Variants in PABPC4L observed in about 807,000 individuals in gnomAD.
The protein encoded by PABPC4L is polyadenylate-binding protein 4-like.
For synonymous variants in PABPC4L, 169 were observed against 164.1 expected (o/e 1.03, Z -0.23); for missense variants, 452 against 451.4 (o/e 1.00, Z -0.01).
chr4:133,959,677 G>A, the PABPC4L span, among the ~76,000 whole-genome samples: 5 of 152,152 alleles, frequency 3.3e-5, no homozygotes, highest in Admixed American at 1.3e-4. Context: ...TGGAAGATGT[G>A]AAAAACACAC....
At chr4:134,097,144 T>G in the PABPC4L span, among the ~76,000 whole-genome samples, 3 of 152,056 alleles carry the variant, frequency 2.0e-5, no homozygotes, top group African/African-American at 4.8e-5. Flanking sequence ...GGAAAAAATA[T>G]ACACCTTGGC....
the PABPC4L span, among the ~76,000 whole-genome samples, chr4:134,181,806 G>A: frequency 6.6e-6 from 1 of 151,622 alleles, no homozygotes; most frequent in Non-Finnish European, 1.5e-5. Flanking sequence ...TAGGAATACA[G>A]CTAACCGGCA....
the PABPC4L span, among the ~76,000 whole-genome samples, chr4:134,051,783 G>C: frequency 6.6e-6 from 1 of 152,120 alleles, no homozygotes; most frequent in African/African-American, 2.4e-5. Context: ...ACATTTTAAT[G>C]TGAAGTTACA....
the PABPC4L span, among the ~76,000 whole-genome samples, chr4:134,077,956 CA>C: frequency 6.6e-6 from 1 of 151,658 alleles, no homozygotes; most frequent in East Asian, 1.9e-4. Flanking sequence ...CCAACCACCC[CA>C]CAAAAAAACA....
chr4:134,010,746 C>T, the PABPC4L span: 1 of 152,138 alleles, frequency 6.6e-6, no homozygotes, highest in East Asian at 1.9e-4. Flanking sequence ...TAAATCTCTT[C>T]TACCCACAGT....
the PABPC4L span, among the ~76,000 whole-genome samples, chr4:134,129,771 A>G: frequency 6.6e-6 from 1 of 152,042 alleles, no homozygotes; most frequent in African/African-American, 2.4e-5. Flanking sequence ...TTAAATGCCT[A>G]CATCAAAAAC....
At chr4:134,182,137 C>T in the PABPC4L span, among the ~76,000 whole-genome samples, 1 of 151,402 alleles carries the variant, frequency 6.6e-6, no homozygotes, top group Admixed American at 6.6e-5. Context: ...TCACATTAAA[C>T]TATAAAAGAG....
At chr4:133,975,700 C>T in the PABPC4L span, among the ~76,000 whole-genome samples, 9 of 152,150 alleles carry the variant, frequency 5.9e-5, no homozygotes, top group East Asian at 1.4e-3. Context: ...GATGATAAGG[C>T]AATAAAAGGA....
chr4:134,165,504 G>C, the PABPC4L span, among the ~76,000 whole-genome samples: 1 of 151,908 alleles, frequency 6.6e-6, no homozygotes, highest in East Asian at 1.9e-4. Flanking sequence ...TTCAAAAGAA[G>C]ATACACAAAT....
At chr4:134,144,229 T>C in the PABPC4L span, among the ~76,000 whole-genome samples, 4 of 151,532 alleles carry the variant, frequency 2.6e-5, no homozygotes, top group Admixed American at 6.6e-5. Flanking sequence ...AGCAATACCT[T>C]TGCAAAAGAA....
At chr4:134,086,823 T>C in the PABPC4L span, among the ~76,000 whole-genome samples, 1 of 151,976 alleles carries the variant, frequency 6.6e-6, no homozygotes, top group Non-Finnish European at 1.5e-5. Flanking sequence ...TTATTATACT[T>C]TAAGATTTAG....
the PABPC4L span, among the ~76,000 whole-genome samples, chr4:134,082,802 A>G: frequency 6.6e-6 from 1 of 152,054 alleles, no homozygotes; most frequent in Non-Finnish European, 1.5e-5. Context: ...ATAAGATCCT[A>G]CTGAAAAAAA....
At chr4:134,128,964 G>A in the PABPC4L span, among the ~76,000 whole-genome samples, 2 of 151,916 alleles carry the variant, frequency 1.3e-5, no homozygotes, top group African/African-American at 2.4e-5. Flanking sequence ...ATAAACTTAA[G>A]GTAAAGGGGT....
chr4:134,009,752 A>T, the PABPC4L span, among the ~76,000 whole-genome samples: 1 of 152,014 alleles, frequency 6.6e-6, no homozygotes, highest in Admixed American at 6.6e-5. Context: ...GGCTATGTTG[A>T]ATTGTGCAAA....
At chr4:134,048,566 G>A in the PABPC4L span, among the ~76,000 whole-genome samples, 3 of 152,176 alleles carry the variant, frequency 2.0e-5, no homozygotes, top group South Asian at 4.1e-4. Context: ...ATAGCTTTGT[G>A]TGTCAATTAT....
the PABPC4L span, among the ~76,000 whole-genome samples, chr4:134,002,382 G>A: frequency 6.6e-6 from 1 of 151,708 alleles, no homozygotes; most frequent in Non-Finnish European, 1.5e-5. Context: ...TTATCTTCAA[G>A]CATGTCTGAA....
the PABPC4L span, among the ~76,000 whole-genome samples, chr4:134,178,837 C>T: frequency 6.6e-6 from 1 of 151,514 alleles, no homozygotes; most frequent in African/African-American, 2.4e-5. Context: ...CTCAGAAAGA[C>T]AAAAATGAAG....
At chr4:134,194,343 G>A (rs371424567), downstream of PABPC4L, among the ~76,000 whole-genome samples, 20 of 151,748 alleles carry the variant, frequency 1.3e-4, no homozygotes, top group South Asian at 1.5e-3. Context: ...TGCAGATGCC[G>A]GGGTGGGAAG....
At chr4:134,172,227 G>A in the PABPC4L span, among the ~76,000 whole-genome samples, 1 of 152,026 alleles carries the variant, frequency 6.6e-6, no homozygotes, top group African/African-American at 2.4e-5. Context: ...TAAGCAAAAA[G>A]TACAAAGTTG....
Sources: allele counts gnomAD v4.1 joint callset (sites outside exome capture counted in the v4.1 genomes callset), GRCh38; gene constraint gnomAD v4.1.1; transcripts MANE v1.5; gene names NCBI Gene and HGNC (gene_info 2026-07-23, HGNC 2026-07-21).